CACNA2D1: variants seen among roughly 807,000 people sequenced by gnomAD.
CACNA2D1 encodes the protein voltage-dependent calcium channel subunit alpha-2/delta-1.
Under a neutral mutation model 171.5 loss-of-function variants are expected in CACNA2D1, and 53 were observed. That is an observed-to-expected ratio of 0.31 (90% CI 0.25 to 0.39). CACNA2D1 has a LOEUF of 0.39. Ranked by LOEUF, CACNA2D1 falls within the 10% of genes least tolerant of loss-of-function variation. The probability of loss-of-function intolerance (pLI) is 1.00; values close to 1 mark genes in which losing one functional copy is unlikely to be tolerated. For missense variants in CACNA2D1, 903 were observed against 1,299.8 expected (o/e 0.69, Z 4.69); for synonymous variants, 442 against 443.1 (o/e 1.00, Z 0.03).
intron 3 of CACNA2D1, among the ~76,000 whole-genome samples, chr7:82,172,447 G>T (rs530403472): frequency 6.9e-6 from 1 of 145,228 alleles, no homozygotes; most frequent in Admixed American, 6.9e-5. Context: ...AAGCATGAAG[G>T]CTTTTTCTTT....
intron 4 of CACNA2D1, among the ~76,000 whole-genome samples, chr7:82,157,697 T>C (rs1381523316): frequency 6.6e-6 from 1 of 152,028 alleles, no homozygotes; most frequent in East Asian, 1.9e-4. Flanking sequence ...CATAGGACTT[T>C]GAAAAAAGAA....
intron 12 of CACNA2D1, among the ~76,000 whole-genome samples, chr7:82,021,681 G>T (rs374884708): frequency 6.6e-6 from 1 of 152,026 alleles, no homozygotes; most frequent in South Asian, 2.1e-4. Context: ...AGAGAGGAAG[G>T]CTCCAGATAA....
intron 4 of CACNA2D1, among the ~76,000 whole-genome samples, chr7:82,146,627 G>T (rs1793145695): frequency 6.6e-6 from 1 of 150,868 alleles, no homozygotes; most frequent in Admixed American, 6.6e-5. Flanking sequence ...TGTCTGGAAT[G>T]CTGTATGAAG....
In CACNA2D1 at chr7:82,383,113, T is replaced by C. The variant is rs151269159; in HGVS notation, c.96-33464A>G. Reference sequence around the variant, plus strand: ...TTAAAATAAACCCACTAGGTATATTTACACATTTGCCGTTTAGAACACAGC... The same window carrying C: ...TTAAAATAAACCCACTAGGTATATTCACACATTTGCCGTTTAGAACACAGC... On this transcript the variant is annotated intron_variant, in intron 1 of 38. Transcript: ENST00000356860. Among the ~76,000 whole-genome samples the C allele has an allele frequency of 6.0e-4, 92 of 152,336 alleles. 1 individual carries two copies. In the East Asian group the frequency reaches 9.1e-3, roughly 15 times the overall value.
chr7:82,121,456 G>C (rs1026767148), intron 5 of CACNA2D1, among the ~76,000 whole-genome samples: 1 of 152,176 alleles, frequency 6.6e-6, no homozygotes, highest in Non-Finnish European at 1.5e-5. Flanking sequence ...ATAGAAAGAG[G>C]TGTGGAACTT....
intron 1 of CACNA2D1, among the ~76,000 whole-genome samples, chr7:82,363,228 A>G (rs578222400): frequency 1.5e-5 from 2 of 136,478 alleles, no homozygotes; most frequent in African/African-American, 6.1e-5. Flanking sequence ...TGGTCATCTG[A>G]CTACCATAGT....
intron 1 of CACNA2D1, among the ~76,000 whole-genome samples, chr7:82,357,961 T>C (rs935161470): frequency 6.6e-6 from 1 of 152,098 alleles, no homozygotes; most frequent in African/African-American, 2.4e-5. Flanking sequence ...CCTAAGGCAG[T>C]TCTCTGCTTT....
chr7:82,248,331 T>C (rs1324558550), intron 3 of CACNA2D1, among the ~76,000 whole-genome samples: 2 of 152,098 alleles, frequency 1.3e-5, no homozygotes, highest in African/African-American at 4.8e-5. Context: ...AGACTGATCA[T>C]TGGAGATGAA....
intron 1 of CACNA2D1, among the ~76,000 whole-genome samples, chr7:82,373,927 A>T (rs4236669): frequency 1.3e-5 from 2 of 152,070 alleles, no homozygotes; most frequent in African/African-American, 4.8e-5. Flanking sequence ...TCATAGTTTC[A>T]AACAATACAA....
In CACNA2D1 at chr7:81,964,352, C is replaced by A; in HGVS notation, c.2582G>T (p.Arg861Ile). 6.2e-7 allele frequency: 1 copy of A among 1,611,692 alleles called. No individual in the cohort carries two copies. Among genetic ancestry groups the A allele is most frequent in the South Asian group, 1.1e-5 (1 of 91,016 alleles). ...GCTGGGATCAATCTCTCCAAAAAAT[C>A]TTCCAATCTGGTGAAGAAAAAAATC... Reference protein sequence around the residue: ...NHDDYTNQIGRFFGEIDPSLM... With the variant: ...NHDDYTNQIGIFFGEIDPSLM... Residue 861 changes from arginine (R) to isoleucine (I), a missense_variant, in exon 33 of 39, where the codon AGA (arginine) becomes ATA (isoleucine). This residue lies in a region of CACNA2D1 where 623 missense variants were observed against 925.5 expected (regional missense o/e 0.67). Transcript: ENST00000356860.
chr7:82,208,037 C>A (rs890306764), intron 3 of CACNA2D1, among the ~76,000 whole-genome samples: 1 of 152,082 alleles, frequency 6.6e-6, no homozygotes, highest in African/African-American at 2.4e-5. Flanking sequence ...TTGCTGTGAA[C>A]TTGTGCCATA....
intron 6 of CACNA2D1, among the ~76,000 whole-genome samples, chr7:82,099,057 C>T (rs258667): frequency 0.38 from 57,108 of 152,036 alleles, 11,053 homozygotes; most frequent in Non-Finnish European, 0.42. Context: ...CTTCCCAAAA[C>T]GCATTTGCCT....
chr7:82,272,802 T>A (rs370107866), intron 3 of CACNA2D1, among the ~76,000 whole-genome samples: 1 of 152,148 alleles, frequency 6.6e-6, no homozygotes, highest in Non-Finnish European at 1.5e-5. Flanking sequence ...TCAAAAAAAA[T>A]GTGCACAGTG....
chr7:82,089,965 TC>T (rs1158831040), intron 6 of CACNA2D1, among the ~76,000 whole-genome samples: 1 of 152,234 alleles, frequency 6.6e-6, no homozygotes, highest in Non-Finnish European at 1.5e-5. Context: ...ATTTATAATG[TC>T]AACTACAGCT....
chr7:81,961,550 A>C (rs1314070488), intron 36 of CACNA2D1, among the ~76,000 whole-genome samples: 23 of 151,564 alleles, frequency 1.5e-4, no homozygotes, highest in Non-Finnish European at 3.4e-4. Flanking sequence ...TATATTAGAA[A>C]TTTTTAATAT....
chr7:81,970,639 A>C, intron 27 of CACNA2D1, 36 bp downstream of exon 27: 4 of 1,122,156 alleles, frequency 3.6e-6, no homozygotes, highest in Non-Finnish European at 5.5e-6. Context: ...AGTCTTTTGT[A>C]ATGTACTTGT....
At chr7:82,039,352 T>C (rs543878736) in intron 10 of CACNA2D1, among the ~76,000 whole-genome samples, 33 of 152,340 alleles carry the variant, frequency 2.2e-4, no homozygotes, top group Non-Finnish European at 4.6e-4. Flanking sequence ...GCCTATTATA[T>C]GCCAAGAATC....
chr7:82,370,363 A>T (rs909900144), intron 1 of CACNA2D1, among the ~76,000 whole-genome samples: 5 of 148,402 alleles, frequency 3.4e-5, no homozygotes, highest in African/African-American at 1.3e-4. Context: ...AACTGTAAAG[A>T]AATAAGTGGA....
At chr7:82,049,315 CTTCTT>C (rs1454416650) in intron 10 of CACNA2D1, among the ~76,000 whole-genome samples, 5 of 152,016 alleles carry the variant, frequency 3.3e-5, no homozygotes, top group African/African-American at 4.8e-5. Context: ...TAGAATTCTT[CTTCTT>C]TTAACAAATT....
Sources: allele counts gnomAD v4.1 joint callset (sites outside exome capture counted in the v4.1 genomes callset), GRCh38; gene constraint gnomAD v4.1.1; regional missense constraint gnomAD v4.1.1; transcripts MANE v1.5; gene names NCBI Gene and HGNC (gene_info 2026-07-23, HGNC 2026-07-21).